Variants in CYP3A7 observed in about 807,000 individuals in gnomAD.
CYP3A7 encodes the protein cytochrome P450 3A7.
Under a neutral mutation model 55.2 loss-of-function variants are expected in CYP3A7, and 45 were observed. The observed-to-expected ratio is 0.82, with a 90% confidence interval of 0.64 to 1.05. CYP3A7 has a LOEUF of 1.05. CYP3A7 is among the 50% of genes least tolerant of loss of function. CYP3A7 has a pLI of 0.00. For synonymous variants in CYP3A7, 180 were observed against 207.4 expected (o/e 0.87, Z 1.13); for missense variants, 548 against 605.3 (o/e 0.91, Z 0.99).
intron 1 of CYP3A7, among the ~76,000 whole-genome samples, chr7:99,732,245 G>T (rs931855588): frequency 1.3e-5 from 2 of 152,126 alleles, no homozygotes; most frequent in African/African-American, 4.8e-5. Flanking sequence ...AGTCATGTAA[G>T]ATCTGCCTGC....
chr7:99,706,986 G>A (rs552598624), intron 12 of CYP3A7, among the ~76,000 whole-genome samples: 2 of 152,324 alleles, frequency 1.3e-5, no homozygotes, highest in South Asian at 4.1e-4. Flanking sequence ...GGCAAATTAT[G>A]AAATTATATG....
At chr7:99,708,944 G>T in intron 11 of CYP3A7, 91 bp downstream of exon 11, 2 of 1,402,132 alleles carry the variant, frequency 1.4e-6, no homozygotes, top group South Asian at 1.2e-5. Context: ...ACAAGCAAAC[G>T]ATTGTACAAG....
In CYP3A7 at chr7:99,707,988, G is replaced by T; in HGVS notation, c.1254-14C>A. ...TTTTTACTGAACCTGGTTCCATATT[G>T]GTAGATATTTTAAAAGTTAAAGACA... On this transcript the variant is annotated splice_polypyrimidine_tract_variant and intron_variant, in intron 11 of 12. Transcript: ENST00000336374. 1 of 1,613,614 alleles carries T rather than the reference G, an allele frequency of 6.2e-7. No individual in the cohort carries two copies. The highest frequency in any genetic ancestry group is 8.5e-7 in the Non-Finnish European group (1 of 1,179,700).
intron 12 of CYP3A7, among the ~76,000 whole-genome samples, chr7:99,706,250 A>T (rs1437635273): frequency 3.9e-5 from 6 of 152,160 alleles, no homozygotes; most frequent in African/African-American, 1.4e-4. Flanking sequence ...GACACAATAG[A>T]GTGATATTCT....
At position 99,710,209 on chromosome 7, in the gene CYP3A7, A is replaced by G. The variant is rs185677934; in HGVS notation, c.1026+523T>C. Reference sequence around the variant, plus strand: ...TGATAGGCACCTAGTACTTAGTGTTATATTTGAAAGGCAATATTATAGAGT... The same window carrying G: ...TGATAGGCACCTAGTACTTAGTGTTGTATTTGAAAGGCAATATTATAGAGT... On this transcript the variant is annotated intron_variant, in intron 10 of 12. Coordinates refer to ENST00000336374, the MANE Select transcript of CYP3A7 (RefSeq NM_000765.5). Among the ~76,000 whole-genome samples the G allele has an allele frequency of 4.6e-5, 7 of 152,342 alleles. No individual in the cohort carries two copies. The East Asian group carries it at 9.6e-4, about 21-fold the overall frequency.
intron 4 of CYP3A7, among the ~76,000 whole-genome samples, chr7:99,719,644 C>G (rs530937243): frequency 1.4e-4 from 21 of 152,090 alleles, no homozygotes; most frequent in African/African-American, 4.8e-4. Context: ...AAAAGTTTTC[C>G]CTGATAAAGA....
Position 99,710,761 on chromosome 7 carries a change from T to G in CYP3A7, c.997A>C (p.Lys333Gln), listed in dbSNP as rs1336177699. Residue 333 changes from lysine to glutamine, a missense_variant, in exon 10 of 13, where the codon AAG (lysine) becomes CAG (glutamine). Coordinates refer to ENST00000336374, the MANE Select transcript of CYP3A7 (RefSeq NM_000765.5). ...TTGGGTAAAACTGTATCAATTTCCT[T>G]CTGCACTTTCTGCTGGACATCAGGG... ...THPDVQQKVQ[K>Q]EIDTVLPNKA... is the part of the protein sequence containing the mutation. 1.9e-6 allele frequency: 3 copies of G among 1,613,916 alleles called. No homozygotes were observed.
In CYP3A7 at chr7:99,710,989, G is replaced by A. The variant is rs1490033740; in HGVS notation, c.866-97C>T. The A allele has an allele frequency of 9.2e-5, 147 of 1,590,682 alleles. 1 individual carries two copies. In the South Asian group the frequency reaches 1.6e-3, roughly 18 times the overall value. On this transcript the variant is annotated intron_variant, in intron 9 of 12. Transcript: ENST00000336374. ...TCTAAGTGGAACCTTCAAATCCCCA[G>A]GGGAAAAAATAGAAAAGCAATTCAG... is the stretch of plus-strand genomic sequence containing the variant.
intron 3 of CYP3A7, 22 bp from the exon 4 acceptor site, chr7:99,720,434 G>A (rs1814155830): frequency 1.9e-6 from 3 of 1,612,806 alleles, no homozygotes; most frequent in Non-Finnish European, 2.5e-6. Flanking sequence ...AAACAGAGTT[G>A]ATTAAACATC....
At chr7:99,730,917 C>T in intron 2 of CYP3A7, 142 bp downstream of exon 2, 1 of 1,143,688 alleles carries the variant, frequency 8.7e-7, no homozygotes, top group South Asian at 1.6e-5. Context: ...TAAACTTTGC[C>T]ACGCTCTGGG....
chr7:99,733,369 G>A (rs1185080646), intron 1 of CYP3A7, among the ~76,000 whole-genome samples: 1 of 152,148 alleles, frequency 6.6e-6, no homozygotes, highest in Non-Finnish European at 1.5e-5. Flanking sequence ...TTGGCAAACT[G>A]TTTAGTTTCT....
chr7:99,710,770 T>C lies in CYP3A7; in HGVS notation c.988A>G (p.Lys330Glu). The C allele has an allele frequency of 1.2e-6, 2 of 1,613,940 alleles. No individual in the cohort carries two copies. The highest frequency in any genetic ancestry group is 1.7e-6 in the Non-Finnish European group (2 of 1,179,884). ...ELATHPDVQQ[K>E]VQKEIDTVLP... is the part of the protein sequence containing the mutation. ...ACTGTATCAATTTCCTTCTGCACTT[T>C]CTGCTGGACATCAGGGTGAGTGGCC... Residue 330 changes from lysine (K) to glutamate (E), a missense_variant, in exon 10 of 13, where the codon AAA (lysine) becomes GAA (glutamate). Transcript: ENST00000336374.
chr7:99,724,292 G>GTCT, intron 2 of CYP3A7, among the ~76,000 whole-genome samples: 1 of 152,248 alleles, frequency 6.6e-6, no homozygotes, highest in Non-Finnish European at 1.5e-5. Context: ...ATACAAACTG[G>GTCT]ACAATGGTTC....
intron 11 of CYP3A7, 140 bp downstream of exon 11, chr7:99,708,895 C>G (rs577617773): frequency 8.0e-6 from 8 of 998,614 alleles, no homozygotes; most frequent in Non-Finnish European, 1.2e-5. Context: ...TGACAATGAT[C>G]AATTTCATGA....
At chr7:99,708,910 A>C (rs1370248288) in intron 11 of CYP3A7, 125 bp downstream of exon 11, 7 of 1,168,800 alleles carry the variant, frequency 6.0e-6, no homozygotes, top group Non-Finnish European at 7.5e-6. Flanking sequence ...TCATGATTTG[A>C]AAAAACCTTT....
intron 9 of CYP3A7, among the ~76,000 whole-genome samples, chr7:99,712,550 A>T (rs1813795054): frequency 1.3e-5 from 2 of 152,334 alleles, no homozygotes; most frequent in South Asian, 4.1e-4. Flanking sequence ...ACACTAAAAC[A>T]GTAGGCTATT....
At chr7:99,724,279 T>C (rs1485461612) in intron 2 of CYP3A7, among the ~76,000 whole-genome samples, 1 of 152,218 alleles carries the variant, frequency 6.6e-6, no homozygotes, top group Non-Finnish European at 1.5e-5. Context: ...CCGCTTGGCC[T>C]CAATACAAAC....
At chr7:99,732,988 C>T (rs1814683561) in intron 1 of CYP3A7, among the ~76,000 whole-genome samples, 1 of 152,182 alleles carries the variant, frequency 6.6e-6, no homozygotes, top group African/African-American at 2.4e-5. Flanking sequence ...AATCCAGTGA[C>T]TCTGATAATA....
chr7:99,705,307 C>G lies in CYP3A7; in HGVS notation c.*193G>C. On this transcript the variant is annotated 3_prime_UTR_variant, in exon 13 of 13. Transcript: ENST00000336374. Reference sequence around the variant, plus strand: ...CCCAGCACTGATTTGGTCATCTCCTCTATATTACCAAGTATAACACTCTAT... The same window carrying G: ...CCCAGCACTGATTTGGTCATCTCCTGTATATTACCAAGTATAACACTCTAT... The G allele has an allele frequency of 1.6e-6, 1 of 614,544 alleles. No homozygotes were observed. Among genetic ancestry groups the G allele is most frequent in the South Asian group, 1.9e-5 (1 of 51,446 alleles). The allele number at this position is 614,544 out of a possible 1,614,324, so 38.1% of individuals were successfully genotyped here.
Sources: gnomAD v4.1 joint callset for allele counts (sites outside exome capture counted in the v4.1 genomes callset) on GRCh38, gnomAD v4.1.1 for gene constraint, MANE v1.5 for transcripts, NCBI Gene and HGNC (gene_info 2026-07-23, HGNC 2026-07-21) for gene names.